LINGO2: variants seen among roughly 807,000 people sequenced by gnomAD.
LINGO2 encodes the protein leucine rich repeat and Ig domain containing 2.
Under a neutral mutation model 30.6 loss-of-function variants are expected in LINGO2, and 14 were observed. That is an observed-to-expected ratio of 0.46 (90% CI 0.30 to 0.72). The LOEUF is 0.72. Among genes scored for constraint, LINGO2 ranks in the 30% least tolerant of loss-of-function variants. LINGO2 has a pLI of 0.07. For synonymous variants in LINGO2, 317 were observed against 288.5 expected (o/e 1.10, Z -1.00); for missense variants, 729 against 751.7 (o/e 0.97, Z 0.35).
At chr9:28,872,624 C>T in the LINGO2 span, among the ~76,000 whole-genome samples, 2 of 152,076 alleles carry the variant, frequency 1.3e-5, no homozygotes, top group Admixed American at 6.6e-5. Context: ...AAAAATTCCT[C>T]TCCAGTAAAC....
At chr9:28,747,996 C>T in the LINGO2 span, among the ~76,000 whole-genome samples, 3 of 152,082 alleles carry the variant, frequency 2.0e-5, no homozygotes, top group Non-Finnish European at 2.9e-5. Flanking sequence ...TGGCAGGTAT[C>T]TGCATACCAC....
intron 4 of LINGO2, among the ~76,000 whole-genome samples, chr9:28,082,895 G>A (rs775814469): frequency 2.6e-5 from 4 of 152,024 alleles, no homozygotes; most frequent in Non-Finnish European, 4.4e-5. Flanking sequence ...TAAGGCTTGT[G>A]TTTCTGGTTT....
chr9:29,044,509 G>C, the LINGO2 span, among the ~76,000 whole-genome samples: 3 of 151,810 alleles, frequency 2.0e-5, no homozygotes. Context: ...AATGTAAACA[G>C]GTATAATTAC....
the LINGO2 span, among the ~76,000 whole-genome samples, chr9:29,131,709 A>G: frequency 3.3e-5 from 5 of 152,192 alleles, no homozygotes; most frequent in East Asian, 9.7e-4. Flanking sequence ...CAATGTAACT[A>G]TGCCCTAGAG....
chr9:28,006,995 G>T (rs983468224), intron 5 of LINGO2, among the ~76,000 whole-genome samples: 1 of 152,084 alleles, frequency 6.6e-6, no homozygotes, highest in African/African-American at 2.4e-5. Flanking sequence ...AAGTACTAGG[G>T]ATGCTTCCAA....
rs576563037 is a variant in LINGO2, at chr9:28,330,691, G to C, written c.-245-35325C>G. ...CTGATCACCTTGACTGTGACACCTG[G>C]ACATGGTGGGCAGGTCTAAAGCTGA... On this transcript the variant is annotated intron_variant, in intron 3 of 5. Transcript: ENST00000379992. Among the ~76,000 whole-genome samples the C allele has an allele frequency of 5.9e-5, 9 of 152,194 alleles. No individual in the cohort carries two copies. The South Asian group carries it at 1.5e-3, about 25-fold the overall frequency.
chr9:28,674,841 A>G (rs1364024701), upstream of LINGO2, among the ~76,000 whole-genome samples: 5 of 152,170 alleles, frequency 3.3e-5, no homozygotes, highest in Non-Finnish European at 5.9e-5. Flanking sequence ...ATAACACAGC[A>G]TCACTAAAGG....
chr9:28,675,475 A>C, the LINGO2 span, among the ~76,000 whole-genome samples: 2 of 152,102 alleles, frequency 1.3e-5, no homozygotes, highest in Non-Finnish European at 2.9e-5. Context: ...TTTTGAAAGG[A>C]TGGTTATTAA....
chr9:28,914,716 G>C, the LINGO2 span, among the ~76,000 whole-genome samples: 5 of 152,146 alleles, frequency 3.3e-5, no homozygotes, highest in African/African-American at 1.2e-4. Context: ...AGTATGAGTA[G>C]ATTTTGGTAT....
chr9:28,444,305 G>C (rs1824323857), intron 2 of LINGO2, among the ~76,000 whole-genome samples: 1 of 152,192 alleles, frequency 6.6e-6, no homozygotes, highest in African/African-American at 2.4e-5. Flanking sequence ...CAGACTTTGG[G>C]GTTCCCAAAA....
chr9:28,398,243 T>C (rs1384116230), intron 2 of LINGO2, among the ~76,000 whole-genome samples: 1 of 152,198 alleles, frequency 6.6e-6, no homozygotes, highest in Non-Finnish European at 1.5e-5. Context: ...CTCTGTTACC[T>C]GACACTGTAC....
At chr9:28,267,801 A>G (rs1383027198) in intron 4 of LINGO2, among the ~76,000 whole-genome samples, 2 of 151,982 alleles carry the variant, frequency 1.3e-5, no homozygotes, top group African/African-American at 4.8e-5. Context: ...CAGGGCATGG[A>G]GCCTAGCACA....
At chr9:28,029,118 G>T (rs746273216) in intron 4 of LINGO2, among the ~76,000 whole-genome samples, 32 of 152,238 alleles carry the variant, frequency 2.1e-4, no homozygotes, top group Non-Finnish European at 3.7e-4. Flanking sequence ...GAAGAAATCT[G>T]CTCAATTCAT....
intron 4 of LINGO2, among the ~76,000 whole-genome samples, chr9:28,241,640 A>T (rs896660906): frequency 6.6e-6 from 1 of 152,098 alleles, no homozygotes; most frequent in Non-Finnish European, 1.5e-5. Flanking sequence ...GCCTTGTTAA[A>T]TGGGTCCTGC....
the LINGO2 span, among the ~76,000 whole-genome samples, chr9:29,058,157 A>T: frequency 3.9e-5 from 6 of 152,164 alleles, no homozygotes; most frequent in Non-Finnish European, 7.4e-5. Context: ...TGAAATTAGC[A>T]GACAAGATTT....
the LINGO2 span, among the ~76,000 whole-genome samples, chr9:28,675,585 A>C: frequency 2.6e-5 from 4 of 152,112 alleles, 1 homozygote; most frequent in Admixed American, 2.6e-4. Flanking sequence ...GTTTATAAAA[A>C]TATAACATTT....
chr9:28,026,150 C>A (rs896405998), intron 4 of LINGO2, among the ~76,000 whole-genome samples: 1 of 152,142 alleles, frequency 6.6e-6, no homozygotes, highest in African/African-American at 2.4e-5. Flanking sequence ...AATACTTCTC[C>A]CAGGAACTTC....
chr9:28,638,575 C>T (rs1348202722), intron 1 of LINGO2, among the ~76,000 whole-genome samples: 1 of 152,116 alleles, frequency 6.6e-6, no homozygotes, highest in Non-Finnish European at 1.5e-5. Context: ...GGAATTTACC[C>T]ATTTCTTCTA....
chr9:28,962,358 T>C, the LINGO2 span, among the ~76,000 whole-genome samples: 1 of 152,100 alleles, frequency 6.6e-6, no homozygotes, highest in African/African-American at 2.4e-5. Flanking sequence ...AGATAGTAAA[T>C]GTCAACATCT....
Sources: allele counts gnomAD v4.1 joint callset (sites outside exome capture counted in the v4.1 genomes callset), GRCh38; gene constraint gnomAD v4.1.1; transcripts MANE v1.5; gene names NCBI Gene and HGNC (gene_info 2026-07-23, HGNC 2026-07-21).